RTL4: variants seen among roughly 807,000 people sequenced by gnomAD.
The protein encoded by RTL4 is retrotransposon Gag-like protein 4.
RTL4 carries 4 observed loss-of-function variants against 5.3 expected under a neutral mutation model. The observed-to-expected ratio is 0.75, with a 90% CI of 0.37 to 1.72. The LOEUF is 1.72. RTL4 is among the 40% of genes most tolerant of loss of function. The pLI is 0.04. For missense variants in RTL4, 260 were observed against 227.1 expected (o/e 1.14, Z -0.93); for synonymous variants, 98 against 87.3 (o/e 1.12, Z -0.68).
the RTL4 span, among the ~76,000 whole-genome samples, chrX:112,188,858 A>T: frequency 9.0e-6 from 1 of 110,783 alleles, no homozygotes; most frequent in Non-Finnish European, 1.9e-5. Context: ...ATCTAGTTTA[A>T]CCTTCTCAGC....
chrX:112,333,171 C>T, the RTL4 span, among the ~76,000 whole-genome samples: 7 of 110,051 alleles, frequency 6.4e-5, no homozygotes, highest in Non-Finnish European at 1.1e-4. Flanking sequence ...AGACTGTTTG[C>T]GTCCTTTAAT....
the RTL4 span, among the ~76,000 whole-genome samples, chrX:112,281,655 G>A: frequency 2.7e-4 from 30 of 110,718 alleles, no homozygotes; most frequent in Admixed American, 4.8e-4. Flanking sequence ...AGCATTTGTT[G>A]TCTTTCATTT....
the RTL4 span, among the ~76,000 whole-genome samples, chrX:112,271,882 G>C: frequency 9.0e-6 from 1 of 111,453 alleles, no homozygotes; most frequent in South Asian, 3.8e-4. Context: ...CTTTCTTTGT[G>C]TTACAAACAA....
At chrX:112,341,994 T>C in the RTL4 span, among the ~76,000 whole-genome samples, 1 of 110,980 alleles carries the variant, frequency 9.0e-6, no homozygotes, top group East Asian at 2.8e-4. Flanking sequence ...CTCCAGAGGG[T>C]ATTTGCATTT....
the RTL4 span, among the ~76,000 whole-genome samples, chrX:112,323,588 C>A: frequency 9.1e-6 from 1 of 110,466 alleles, no homozygotes; most frequent in Admixed American, 9.7e-5. Context: ...ACCTCCCTGA[C>A]TCAAGTGATC....
At chrX:112,422,497 T>C in the RTL4 span, among the ~76,000 whole-genome samples, 1 of 19,620 alleles carries the variant, frequency 5.1e-5, no homozygotes, top group African/African-American at 9.6e-5. Context: ...CTGATGCTAG[T>C]CAGCAAAGGG....
the RTL4 span, among the ~76,000 whole-genome samples, chrX:112,189,211 T>C: frequency 1.8e-5 from 2 of 109,995 alleles, no homozygotes; most frequent in African/African-American, 3.3e-5. Flanking sequence ...CTGGGCAACA[T>C]AGCGAGACCC....
the RTL4 span, among the ~76,000 whole-genome samples, chrX:112,106,297 A>G: frequency 8.9e-6 from 1 of 111,917 alleles, no homozygotes; most frequent in Non-Finnish European, 1.9e-5. Context: ...GAAGTTTTGC[A>G]TCTATCTTCA....
the RTL4 span, among the ~76,000 whole-genome samples, chrX:112,310,416 T>TATG: frequency 1.8e-3 from 37 of 21,019 alleles, no homozygotes; most frequent in Non-Finnish European, 2.9e-3. Context: ...ATATATATAT[T>TATG]TAATATAATA....
chrX:112,333,549 C>A, the RTL4 span, among the ~76,000 whole-genome samples: 4 of 111,472 alleles, frequency 3.6e-5, no homozygotes, highest in Non-Finnish European at 7.5e-5. Context: ...ATTTTGAATT[C>A]TTTTTTATTT....
the RTL4 span, among the ~76,000 whole-genome samples, chrX:112,413,609 C>G: frequency 7.1e-4 from 79 of 111,246 alleles, no homozygotes; most frequent in Non-Finnish European, 1.2e-3. Context: ...GAAAGGCAAA[C>G]TTTGCATGTT....
the RTL4 span, among the ~76,000 whole-genome samples, chrX:112,228,945 C>T: frequency 2.7e-5 from 3 of 112,036 alleles, no homozygotes; most frequent in East Asian, 8.4e-4. Context: ...AGTCTTCTTC[C>T]ACTGACTTCC....
At chrX:112,158,184 G>A in the RTL4 span, among the ~76,000 whole-genome samples, 80 of 111,489 alleles carry the variant, frequency 7.2e-4, no homozygotes, top group African/African-American at 2.9e-4. Flanking sequence ...AAGAAGTCAT[G>A]TAATCTCAGC....
At chrX:112,269,029 C>T in the RTL4 span, among the ~76,000 whole-genome samples, 1,142 of 112,016 alleles carry the variant, frequency 0.01, 8 homozygotes, top group Non-Finnish European at 0.015. Flanking sequence ...CTCTGCACCC[C>T]TAGGATCTAT....
chrX:112,411,893 T>A, the RTL4 span, among the ~76,000 whole-genome samples: 2 of 110,501 alleles, frequency 1.8e-5, no homozygotes, highest in African/African-American at 6.6e-5. Context: ...ATATCTAAAT[T>A]GGAAAGGAAG....
chrX:112,296,731 T>C, the RTL4 span, among the ~76,000 whole-genome samples: 1 of 106,435 alleles, frequency 9.4e-6, no homozygotes, highest in Non-Finnish European at 1.9e-5. Flanking sequence ...TGCCTCAGCC[T>C]CCCAAGTAGC....
chrX:112,277,490 A>G, the RTL4 span, among the ~76,000 whole-genome samples: 9 of 112,147 alleles, frequency 8.0e-5, 1 homozygote, highest in Admixed American at 5.7e-4. Flanking sequence ...CAAATAGATC[A>G]AGGTTAACTG....
chrX:112,429,441 G>C, the RTL4 span, among the ~76,000 whole-genome samples: 1 of 110,680 alleles, frequency 9.0e-6, no homozygotes, highest in Non-Finnish European at 1.9e-5. Context: ...GATAACACAA[G>C]TACCTTATAA....
the RTL4 span, among the ~76,000 whole-genome samples, chrX:112,426,692 A>G: frequency 9.0e-6 from 1 of 111,337 alleles, no homozygotes; most frequent in Non-Finnish European, 1.9e-5. Flanking sequence ...GCTGTTATAT[A>G]GGAAAGCAGT....
Sources: allele counts gnomAD v4.1 joint callset (sites outside exome capture counted in the v4.1 genomes callset), GRCh38; gene constraint gnomAD v4.1.1; transcripts MANE v1.5; gene names NCBI Gene and HGNC (gene_info 2026-07-23, HGNC 2026-07-21).